Variants in PRICKLE1 observed in about 807,000 individuals in gnomAD.
PRICKLE1 encodes prickle-like protein 1.
PRICKLE1 carries 14 observed loss-of-function variants against 70.2 expected under a neutral mutation model. That is an observed-to-expected ratio of 0.20 (90% CI 0.13 to 0.31). PRICKLE1 has a LOEUF of 0.31. PRICKLE1 is among the 10% of genes least tolerant of loss of function. PRICKLE1 has a pLI of 1.00. For synonymous variants in PRICKLE1, 357 were observed against 379.9 expected, an observed-to-expected ratio of 0.94 and a Z score of 0.70; for missense variants, 821 against 1,026.2, an observed-to-expected ratio of 0.80 and a Z score of 2.73.
At chr12:42,492,768 G>A (rs187415300) in intron 1 of PRICKLE1, among the ~76,000 whole-genome samples, 61 of 152,298 alleles carry the variant, frequency 4.0e-4, no homozygotes, top group African/African-American at 1.4e-3. Context: ...TATGTTTGGA[G>A]AGCTTTAATC....
intron 1 of PRICKLE1, among the ~76,000 whole-genome samples, chr12:42,532,533 C>T (rs1368484392): frequency 2.6e-5 from 4 of 152,136 alleles, no homozygotes; most frequent in Non-Finnish European, 4.4e-5. Context: ...TTTAGCTCAA[C>T]TTATTTGAAA....
At chr12:42,563,338 T>G (rs992577352) in intron 1 of PRICKLE1, among the ~76,000 whole-genome samples, 5 of 151,894 alleles carry the variant, frequency 3.3e-5, no homozygotes, top group Admixed American at 1.3e-4. Context: ...ACATACATAC[T>G]GGAGTATTTT....
intron 2 of PRICKLE1, among the ~76,000 whole-genome samples, chr12:42,470,748 CT>C (rs1249400166): frequency 2.6e-4 from 40 of 152,098 alleles, no homozygotes; most frequent in African/African-American, 9.2e-4. Flanking sequence ...TCTACTAAAA[CT>C]ACAAAAATTA....
chr12:42,501,287 G>A (rs1939301458), intron 1 of PRICKLE1, among the ~76,000 whole-genome samples: 2 of 152,000 alleles, frequency 1.3e-5, no homozygotes, highest in African/African-American at 2.4e-5. Context: ...GGCAGATCAT[G>A]AGGTCAAGAG....
intron 1 of PRICKLE1, among the ~76,000 whole-genome samples, chr12:42,506,567 C>CTTTTTT (rs139103281): frequency 1.5e-5 from 1 of 64,608 alleles, no homozygotes; most frequent in Non-Finnish European, 2.9e-5. Context: ...CAATAGTGTT[C>CTTTTTT]TTTTTTTTTT....
At chr12:42,522,312 A>T (rs1272428685) in intron 1 of PRICKLE1, among the ~76,000 whole-genome samples, 1 of 151,956 alleles carries the variant, frequency 6.6e-6, no homozygotes, top group Non-Finnish European at 1.5e-5. Flanking sequence ...TACGTTACCC[A>T]CACTCGTCTC....
Position 42,466,454 on chromosome 12 carries a change from T to C in PRICKLE1, c.589-74A>G, listed in dbSNP as rs1593108801. On this transcript the variant is annotated intron_variant, in intron 5 of 7. Coordinates refer to ENST00000345127, the MANE Select transcript of PRICKLE1 (RefSeq NM_153026.3). ...CTATTTTAAAGGCCAAGTAACTGCA[T>C]GTTTTCCGGGCAATGGACAGACACT... 5.1e-6 allele frequency: 7 copies of C among 1,366,290 alleles called. No individual in the cohort carries two copies. The East Asian group carries it at 1.4e-4, about 27-fold the overall frequency. 84.6% of individuals were successfully genotyped at this position (1,366,290 alleles called of 1,614,324 possible).
intron 1 of PRICKLE1, among the ~76,000 whole-genome samples, chr12:42,494,580 G>T (rs1939161026): frequency 6.6e-6 from 1 of 152,056 alleles, no homozygotes; most frequent in Admixed American, 6.6e-5. Flanking sequence ...GCTGAGACGG[G>T]TGGATCACTT....
Position 42,472,368 on chromosome 12 carries a change from G to A in PRICKLE1, c.132+17C>T. The A allele has an allele frequency of 6.2e-7, 1 of 1,613,866 alleles. No individual in the cohort carries two copies. Among genetic ancestry groups the A allele is most frequent in the Non-Finnish European group, 8.5e-7 (1 of 1,179,892 alleles). ...ACTGAAAAACAAAGAGTAAATATAG[G>A]ATGATGAAGTTCCTACCTGCTCTGG... On this transcript the variant is annotated intron_variant, in intron 2 of 7. Transcript: ENST00000345127.
chr12:42,488,427 C>T lies in PRICKLE1; in HGVS notation c.-48-15863G>A, dbSNP rs139450084. Among the ~76,000 whole-genome samples the T allele has an allele frequency of 3.5e-3, 532 of 152,308 alleles. 2 individuals are homozygous for T. The highest frequency in any genetic ancestry group is 0.012 in the African/African-American group (504 of 41,568). ...TCTTTGCCCACCCTAACCCTTACTC[C>T]CAACTATTCTGAAATACTCCTTCCC... is the stretch of plus-strand genomic sequence containing the variant. On this transcript the variant is annotated intron_variant, in intron 1 of 7. Transcript: ENST00000345127.
At position 42,464,984 on chromosome 12, in the gene PRICKLE1, G is replaced by A. The variant is rs141763288; in HGVS notation, c.1050C>T (p.Leu350=). 9 of 1,614,038 alleles carry A rather than the reference G, an allele frequency of 5.6e-6. No individual in the cohort carries two copies. The African/African-American group carries it at 8.0e-5, about 14-fold the overall frequency. The change falls in exon 7 of 8, where the codon CTC becomes CTT. Residue 350 remains leucine, a synonymous_variant. Transcript: ENST00000345127. This position sits in a 1 kb window ranked among gnomAD's most constrained non-coding sequence, Gnocchi z 4.2. ...SRSADQCRQS[L]LLSPALNYKF... is the part of the protein sequence containing the mutation. The stretch of plus-strand genomic sequence containing the variant: ...TGTAGTTCAGAGCAGGCGATAAGAG[G>A]AGAGACTGTCTACACTGATCTGCTG...
chr12:42,503,278 G>A (rs1939347464), intron 1 of PRICKLE1, among the ~76,000 whole-genome samples: 1 of 152,066 alleles, frequency 6.6e-6, no homozygotes. Flanking sequence ...CAATTCAGCT[G>A]TCAAAGAGAA....
intron 1 of PRICKLE1, among the ~76,000 whole-genome samples, chr12:42,545,105 G>A (rs1940184474): frequency 6.6e-6 from 1 of 152,050 alleles, no homozygotes; most frequent in Admixed American, 6.6e-5. Context: ...CTGGGCTCGA[G>A]TGATCCTCCT....
chr12:42,481,905 G>C (rs920798283), intron 1 of PRICKLE1, among the ~76,000 whole-genome samples: 5 of 151,804 alleles, frequency 3.3e-5, no homozygotes, highest in Non-Finnish European at 7.4e-5. Flanking sequence ...TAAAGACAAA[G>C]TCACTGCCAA....
At chr12:42,582,822 T>G (rs1592046475) in intron 1 of PRICKLE1, among the ~76,000 whole-genome samples, 1 of 152,028 alleles carries the variant, frequency 6.6e-6, no homozygotes, top group East Asian at 2.0e-4. Flanking sequence ...GTGATTTCTT[T>G]TTTTTATTTA....
intron 1 of PRICKLE1, among the ~76,000 whole-genome samples, chr12:42,507,732 A>T (rs1324699578): frequency 1.3e-5 from 2 of 152,258 alleles, no homozygotes; most frequent in Non-Finnish European, 2.9e-5. Flanking sequence ...ACTGACATTT[A>T]TAAAGCCAAA....
rs553468765 is a variant in PRICKLE1 at position 42,479,997 on chromosome 12, C to T, written c.-48-7433G>A. On this transcript the variant is annotated intron_variant, in intron 1 of 7. Transcript: ENST00000345127. ...CATTATTCATCTCCTTGCTTTCTTT[C>T]GTGGTGGCACGTGTAAAAATTATAT... is the stretch of plus-strand genomic sequence containing the variant. Among the ~76,000 whole-genome samples, 7 of 152,046 alleles carry T rather than the reference C, an allele frequency of 4.6e-5. No individual in the cohort carries two copies. In the East Asian group the frequency reaches 1.4e-3, roughly 29 times the overall value.
intron 1 of PRICKLE1, among the ~76,000 whole-genome samples, chr12:42,572,435 T>TTAAA (rs35565532): frequency 0.054 from 8,026 of 147,636 alleles, 246 homozygotes; most frequent in African/African-American, 0.079. Flanking sequence ...AAACTCTGTC[T>TTAAA]TAAATAAATA....
chr12:42,542,684 T>C (rs73118047), intron 1 of PRICKLE1, among the ~76,000 whole-genome samples: 10,115 of 152,266 alleles, frequency 0.066, 430 homozygotes, highest in Middle Eastern at 0.11. Context: ...TTGCCTTTGT[T>C]GTATTAAAAA....
Sources: gnomAD v4.1 joint callset for allele counts (sites outside exome capture counted in the v4.1 genomes callset) on GRCh38, gnomAD v4.1.1 for gene constraint, Gnocchi (gnomAD v3.1) non-coding constraint, MANE v1.5 for transcripts, NCBI Gene and HGNC (gene_info 2026-07-23, HGNC 2026-07-21) for gene names.